The following OLA1 variants were observed in gnomAD, a reference collection of about 807,000 sequenced individuals.
OLA1 encodes Obg like ATPase 1, also known as obg-like ATPase 1.
In OLA1, 14 loss-of-function variants were observed where a neutral mutation model predicts 48.4. That is an observed-to-expected ratio of 0.29 (90% CI 0.19 to 0.45). The LOEUF is 0.45. OLA1 is among the 20% of genes least tolerant of loss of function. The probability of loss-of-function intolerance (pLI) is 1.00; values close to 1 mark genes in which losing one functional copy is unlikely to be tolerated. For missense variants in OLA1, 325 were observed against 467.1 expected (o/e 0.70, Z 2.80); for synonymous variants, 127 against 150.4 (o/e 0.84, Z 1.14).
chr2:174,091,350 C>T (rs1685109546), intron 7 of OLA1, among the ~76,000 whole-genome samples: 1 of 152,178 alleles, frequency 6.6e-6, no homozygotes, highest in Non-Finnish European at 1.5e-5. Flanking sequence ...TGCATTTTAA[C>T]CAGAAATGCT....
At chr2:174,099,321 A>G (rs527406726) in intron 7 of OLA1, among the ~76,000 whole-genome samples, 2 of 152,130 alleles carry the variant, frequency 1.3e-5, no homozygotes, top group Middle Eastern at 3.4e-3. Context: ...ACGCCCAGCT[A>G]ATTTTTGCAT....
At chr2:174,202,345 C>T (rs554382184) in intron 4 of OLA1, among the ~76,000 whole-genome samples, 2 of 152,326 alleles carry the variant, frequency 1.3e-5, no homozygotes, top group East Asian at 1.9e-4. Flanking sequence ...ACCGCCACCT[C>T]CTGTTGCTAT....
At chr2:174,196,886 C>T (rs1687888856) in intron 4 of OLA1, among the ~76,000 whole-genome samples, 1 of 152,120 alleles carries the variant, frequency 6.6e-6, no homozygotes, top group Non-Finnish European at 1.5e-5. Flanking sequence ...AAAAAAGAAG[C>T]TGAATCAGAC....
intron 3 of OLA1, among the ~76,000 whole-genome samples, chr2:174,223,595 C>T (rs1251605145): frequency 3.3e-5 from 5 of 151,942 alleles, no homozygotes; most frequent in African/African-American, 1.2e-4. Context: ...TTCAAATCAA[C>T]TCTATAAGAT....
intron 4 of OLA1, among the ~76,000 whole-genome samples, chr2:174,160,096 T>C (rs568546594): frequency 3.3e-5 from 5 of 152,236 alleles, no homozygotes; most frequent in Middle Eastern, 3.4e-3. Flanking sequence ...TCTTTGTACC[T>C]TGAAATAACA....
At chr2:174,146,193 TAC>T (rs1686593542) in intron 4 of OLA1, among the ~76,000 whole-genome samples, 1 of 152,230 alleles carries the variant, frequency 6.6e-6, no homozygotes, top group Non-Finnish European at 1.5e-5. Flanking sequence ...GCAGTTCACA[TAC>T]ATTTGTAAAC....
chr2:174,221,284 A>G (rs1041256959), intron 4 of OLA1, among the ~76,000 whole-genome samples: 1 of 152,138 alleles, frequency 6.6e-6, no homozygotes, highest in South Asian at 2.1e-4. Context: ...CACAAGGGTT[A>G]GAAAATCACA....
chr2:174,189,508 T>C (rs1687729395), intron 4 of OLA1, among the ~76,000 whole-genome samples: 1 of 152,052 alleles, frequency 6.6e-6, no homozygotes, highest in Non-Finnish European at 1.5e-5. Flanking sequence ...ATTAAAAAAA[T>C]AGCTCTTAAA....
intron 4 of OLA1, among the ~76,000 whole-genome samples, chr2:174,186,736 C>T (rs1395001397): frequency 2.6e-5 from 4 of 152,074 alleles, no homozygotes; most frequent in African/African-American, 7.2e-5. Flanking sequence ...AAAAGGCCTG[C>T]AGATGCCCCT....
chr2:174,168,808 T>C (rs1274245488), intron 4 of OLA1, among the ~76,000 whole-genome samples: 1 of 150,992 alleles, frequency 6.6e-6, no homozygotes. Context: ...TATCTAGATA[T>C]ATGGACATAA....
chr2:174,245,440 C>T (rs1225185495), intron 2 of OLA1, among the ~76,000 whole-genome samples: 3 of 152,188 alleles, frequency 2.0e-5, no homozygotes, highest in East Asian at 3.9e-4. Flanking sequence ...AGGAGCTCCT[C>T]GGAATACCTA....
chr2:174,073,771 C>A lies in OLA1; in HGVS notation c.*1655G>T, dbSNP rs1684662604. Reference sequence around the variant, plus strand: ...TGATTCTTTCTTATACTGCTGAAATCCCTAACAATCCACTAATCTACACAT... The same window carrying A: ...TGATTCTTTCTTATACTGCTGAAATACCTAACAATCCACTAATCTACACAT... On this transcript the variant is annotated 3_prime_UTR_variant, in exon 11 of 11. Coordinates refer to ENST00000284719, the MANE Select transcript of OLA1 (RefSeq NM_013341.5). The A allele has an allele frequency of 6.6e-6, 1 of 151,598 alleles. No homozygotes were observed. Among genetic ancestry groups the A allele is most frequent in the Non-Finnish European group, 1.5e-5 (1 of 67,872 alleles). 9.4% of individuals were successfully genotyped at this position (151,598 alleles called of 1,614,324 possible).
chr2:174,223,009 G>A lies in OLA1; in HGVS notation c.373+24C>T, dbSNP rs754007749. 8.2e-6 allele frequency: 13 copies of A among 1,585,176 alleles called. No homozygotes were observed. The South Asian group carries it at 1.0e-4, about 13-fold the overall frequency. On this transcript the variant is annotated intron_variant, in intron 4 of 10. Coordinates refer to ENST00000284719, the MANE Select transcript of OLA1 (RefSeq NM_013341.5). ...AAACACTGATCTGAATGAAATCAAT[G>A]ATTAAATAAACAACTGTACTTACGT...
intron 4 of OLA1, among the ~76,000 whole-genome samples, chr2:174,210,139 T>C (rs1688208707): frequency 6.6e-6 from 1 of 152,186 alleles, no homozygotes; most frequent in Non-Finnish European, 1.5e-5. Flanking sequence ...CTTGGAGGCA[T>C]ATGCTCCAAA....
At chr2:174,130,831 C>T (rs1686164026) in intron 5 of OLA1, among the ~76,000 whole-genome samples, 1 of 152,088 alleles carries the variant, frequency 6.6e-6, no homozygotes, top group African/African-American at 2.4e-5. Context: ...ATAAGAGCAT[C>T]TACACAATAG....
intron 7 of OLA1, among the ~76,000 whole-genome samples, chr2:174,086,773 G>C (rs1417074026): frequency 3.3e-5 from 5 of 152,140 alleles, no homozygotes; most frequent in African/African-American, 9.7e-5. Flanking sequence ...AAACTACTCA[G>C]AGCGGTGTGT....
intron 1 of OLA1, chr2:174,248,000 C>G: frequency 2.1e-6 from 1 of 487,524 alleles, no homozygotes; most frequent in Non-Finnish European, 3.6e-6. Flanking sequence ...GGGGCCCTGC[C>G]CTTGCAGTAG....
At chr2:174,138,397 G>A (rs1686360260) in intron 5 of OLA1, among the ~76,000 whole-genome samples, 1 of 152,282 alleles carries the variant, frequency 6.6e-6, no homozygotes, top group Non-Finnish European at 1.5e-5. Context: ...AACATTTATC[G>A]ACTAAGTTTG....
chr2:174,099,375 C>T (rs77270624), intron 7 of OLA1, among the ~76,000 whole-genome samples: 16,881 of 152,106 alleles, frequency 0.11, 2,173 homozygotes, highest in East Asian at 0.7. Context: ...AGGATGGTCT[C>T]GATCTCTTGA....
Sources: allele counts gnomAD v4.1 joint callset (sites outside exome capture counted in the v4.1 genomes callset), GRCh38; gene constraint gnomAD v4.1.1; transcripts MANE v1.5; gene names NCBI Gene and HGNC (gene_info 2026-07-23, HGNC 2026-07-21).